The following CIMIP5 variants were observed in gnomAD, a reference collection of about 807,000 sequenced individuals.
CIMIP5 encodes ciliary microtubule inner protein 5.
At chr2:11,154,016 TC>T in the CIMIP5 span, among the ~76,000 whole-genome samples, 3 of 152,074 alleles carry the variant, frequency 2.0e-5, no homozygotes, top group African/African-American at 7.2e-5. Context: ...TGGCTCTGTC[TC>T]CCAGGCTAGA....
chr2:11,140,412 C>A, the CIMIP5 span: 4 of 712,318 alleles, frequency 5.6e-6, no homozygotes, highest in Non-Finnish European at 8.9e-6. Context: ...TTTAGTTCTT[C>A]CACGTGATAC....
chr2:11,150,236 G>C, the CIMIP5 span, among the ~76,000 whole-genome samples: 1 of 152,286 alleles, frequency 6.6e-6, no homozygotes, highest in East Asian at 1.9e-4. Flanking sequence ...ACTGTGCCCA[G>C]CCGAAAGCCC....
the CIMIP5 span, among the ~76,000 whole-genome samples, chr2:11,146,335 G>A: frequency 2.0e-5 from 3 of 152,212 alleles, no homozygotes; most frequent in African/African-American, 7.2e-5. Context: ...CAGCAGTTGA[G>A]TCTGGCTCCA....
At chr2:11,140,086 C>CAAAAAAAAAAAAAAAAA in the CIMIP5 span, among the ~76,000 whole-genome samples, 37 of 84,768 alleles carry the variant, frequency 4.4e-4, 1 homozygote, top group African/African-American at 1.7e-3. Context: ...GACTCCCTCT[C>CAAAAAAAAAAAAAAAAA]AAAAAAAAAA....
chr2:11,143,356 G>A, the CIMIP5 span, among the ~76,000 whole-genome samples: 1 of 152,006 alleles, frequency 6.6e-6, no homozygotes, highest in Non-Finnish European at 1.5e-5. Flanking sequence ...TCAAAACCAG[G>A]CAAAGCTAAT....
At chr2:11,143,825 CA>C in the CIMIP5 span, 1 of 1,108,480 alleles carries the variant, frequency 9.0e-7, no homozygotes, top group Admixed American at 3.3e-5. Flanking sequence ...AGATGCTTCA[CA>C]AAGAGAGGCA....
chr2:11,144,568 CGT>C, the CIMIP5 span: 1 of 153,076 alleles, frequency 6.5e-6, no homozygotes, highest in African/African-American at 2.4e-5. Context: ...ACAACACAAA[CGT>C]ATCATCTTAC....
At chr2:11,152,852 G>A in the CIMIP5 span, among the ~76,000 whole-genome samples, 1 of 152,112 alleles carries the variant, frequency 6.6e-6, no homozygotes, top group Non-Finnish European at 1.5e-5. Flanking sequence ...TTCCTGCATG[G>A]CCCAAACCTG....
At chr2:11,140,195 G>C in the CIMIP5 span, among the ~76,000 whole-genome samples, 1 of 151,366 alleles carries the variant, frequency 6.6e-6, no homozygotes, top group Non-Finnish European at 1.5e-5. Context: ...AGACCACGGT[G>C]AAACCCCATC....
chr2:11,143,019 G>C, the CIMIP5 span, among the ~76,000 whole-genome samples: 2 of 152,162 alleles, frequency 1.3e-5, no homozygotes, highest in Admixed American at 6.5e-5. Flanking sequence ...ATTACATTTA[G>C]TCATTCATTC....
chr2:11,140,445 G>T, the CIMIP5 span: 1 of 1,202,102 alleles, frequency 8.3e-7, no homozygotes, highest in Non-Finnish European at 1.2e-6. Flanking sequence ...ACTTGACACA[G>T]TGAAAGTCAT....
At chr2:11,133,662 A>C in the CIMIP5 span, 1 of 1,529,986 alleles carries the variant, frequency 6.5e-7, no homozygotes, top group South Asian at 1.2e-5. Context: ...GTTTTGGAGA[A>C]AGGGAGATGG....
chr2:11,148,820 C>T, the CIMIP5 span, among the ~76,000 whole-genome samples: 3 of 145,814 alleles, frequency 2.1e-5, no homozygotes, highest in African/African-American at 7.8e-5. Context: ...CTGCAACCTT[C>T]GCCTCCTGGG....
At chr2:11,139,289 T>C in the CIMIP5 span, among the ~76,000 whole-genome samples, 1 of 152,182 alleles carries the variant, frequency 6.6e-6, no homozygotes, top group Non-Finnish European at 1.5e-5. Flanking sequence ...AATACAGCAG[T>C]AGAATCCTAT....
the CIMIP5 span, chr2:11,144,152 G>T: frequency 2.0e-6 from 3 of 1,509,880 alleles, no homozygotes; most frequent in East Asian, 7.0e-5. Flanking sequence ...GGTGGGTGTG[G>T]GTGGGGACAA....
chr2:11,143,631 T>C, the CIMIP5 span, among the ~76,000 whole-genome samples: 16 of 150,046 alleles, frequency 1.1e-4, no homozygotes, highest in African/African-American at 3.7e-4. Flanking sequence ...GTCCTGGGGA[T>C]AGAAAGGGGA....
chr2:11,144,337 C>T, the CIMIP5 span: 14 of 344,268 alleles, frequency 4.1e-5, no homozygotes, highest in Non-Finnish European at 4.7e-5. Context: ...AATCCCCAGC[C>T]CTTCCAGCTT....
the CIMIP5 span, among the ~76,000 whole-genome samples, chr2:11,148,032 CCA>C: frequency 6.6e-6 from 1 of 151,948 alleles, no homozygotes; most frequent in Non-Finnish European, 1.5e-5. Flanking sequence ...CACTTGGAGA[CCA>C]AGGGCCAGGA....
chr2:11,144,547 C>T, the CIMIP5 span: 447 of 155,182 alleles, frequency 2.9e-3, 1 homozygote, highest in African/African-American at 0.01. Context: ...GCACAAACTG[C>T]ATAGCTTAAA....
Sources: gnomAD v4.1 joint callset for allele counts (sites outside exome capture counted in the v4.1 genomes callset) on GRCh38, gnomAD v4.1.1 for gene constraint, MANE v1.5 for transcripts, NCBI Gene and HGNC (gene_info 2026-07-23, HGNC 2026-07-21) for gene names.